Variants in MCF2L2 observed in about 807,000 individuals in gnomAD.
The protein encoded by MCF2L2 is probable guanine nucleotide exchange factor MCF2L2.
Under a neutral mutation model 150.2 loss-of-function variants are expected in MCF2L2, and 102 were observed. The ratio of observed to expected loss-of-function variants is 0.68; its 90% CI spans 0.58 to 0.80. The LOEUF is 0.80. Among genes scored for constraint, MCF2L2 ranks in the 30% least tolerant of loss-of-function variants. MCF2L2 has a pLI of 0.00. For missense variants in MCF2L2, 1,256 were observed against 1,372.8 expected (o/e 0.91, Z 1.34); for synonymous variants, 465 against 491.3 (o/e 0.95, Z 0.71).
chr3:183,261,516 A>T (rs1282037277), intron 15 of MCF2L2, among the ~76,000 whole-genome samples: 1 of 152,174 alleles, frequency 6.6e-6, no homozygotes, highest in Non-Finnish European at 1.5e-5. Flanking sequence ...AAATTTTTTT[A>T]AAAACTGTGA....
chr3:183,179,169 T>C lies in MCF2L2; in HGVS notation c.*211A>G. On this transcript the variant is annotated 3_prime_UTR_variant, in exon 30 of 30. Transcript: ENST00000328913. This position sits in a 1 kb window ranked among gnomAD's most constrained non-coding sequence, Gnocchi z 4.2. Reference sequence around the variant, plus strand: ...GGCTCTGCTCGCCTCTGCAGGCGCCTTAGAGCAGCTCCGAGGTCCCCCGTG... The same window carrying C: ...GGCTCTGCTCGCCTCTGCAGGCGCCCTAGAGCAGCTCCGAGGTCCCCCGTG... 1 of 572,978 alleles carries C rather than the reference T, an allele frequency of 1.7e-6. No individual in the cohort carries two copies. The highest frequency in any genetic ancestry group is 2.7e-6 in the Non-Finnish European group (1 of 370,986). The allele number at this position is 572,978 out of a possible 1,614,324, so 35.5% of individuals were successfully genotyped here.
At chr3:183,398,347 A>T (rs778475154) in intron 1 of MCF2L2, among the ~76,000 whole-genome samples, 4 of 152,152 alleles carry the variant, frequency 2.6e-5, no homozygotes, top group Non-Finnish European at 5.9e-5. Flanking sequence ...CAAGTATTGC[A>T]AATGGCAGAC....
At chr3:183,341,485 T>C (rs1033300748) in intron 4 of MCF2L2, 55 bp downstream of exon 4, 67 of 1,384,144 alleles carry the variant, frequency 4.8e-5, no homozygotes, top group Non-Finnish European at 1.7e-5. Flanking sequence ...TATGAAATAG[T>C]TGAACAGACA....
At chr3:183,343,656 A>G (rs941461312) in intron 3 of MCF2L2, among the ~76,000 whole-genome samples, 1 of 152,190 alleles carries the variant, frequency 6.6e-6, no homozygotes. Context: ...GGCGTGAGCC[A>G]CCATGCCCAG....
At chr3:183,371,464 CCTTTTT>C in intron 3 of MCF2L2, among the ~76,000 whole-genome samples, 1 of 138,032 alleles carries the variant, frequency 7.2e-6, no homozygotes, top group East Asian at 2.2e-4. Flanking sequence ...CTCTGAGAAG[CCTTTTT>C]TTTTTTTTTT....
At chr3:183,318,443 C>T (rs1479140288) in intron 6 of MCF2L2, among the ~76,000 whole-genome samples, 1 of 152,172 alleles carries the variant, frequency 6.6e-6, no homozygotes, top group Non-Finnish European at 1.5e-5. Context: ...CCTCTTTACA[C>T]TGAACGTCAG....
At chr3:183,254,552 C>T (rs1363462674) in intron 15 of MCF2L2, 1 of 152,126 alleles carries the variant, frequency 6.6e-6, no homozygotes, top group Admixed American at 6.5e-5. Flanking sequence ...TTCCCGGGGC[C>T]TGCGGGTCCC....
intron 14 of MCF2L2, among the ~76,000 whole-genome samples, chr3:183,288,532 A>G (rs2108477779): frequency 7.0e-6 from 1 of 143,110 alleles, no homozygotes; most frequent in Admixed American, 7.4e-5. Context: ...CCCAGGCTGG[A>G]GTACAGTGGC....
At chr3:183,195,088 T>C in intron 26 of MCF2L2, 134 bp downstream of exon 26, 1 of 784,792 alleles carries the variant, frequency 1.3e-6, no homozygotes, top group Non-Finnish European at 2.0e-6. Flanking sequence ...CAGCCAATAT[T>C]TTTTAAAAAT....
intron 3 of MCF2L2, among the ~76,000 whole-genome samples, chr3:183,353,949 G>A (rs1045902165): frequency 4.6e-5 from 7 of 152,004 alleles, no homozygotes; most frequent in African/African-American, 1.7e-4. Flanking sequence ...AGGAGTAGGT[G>A]TAAACCAAAA....
intron 10 of MCF2L2, among the ~76,000 whole-genome samples, chr3:183,300,614 G>A (rs1364982421): frequency 3.3e-5 from 5 of 152,180 alleles, no homozygotes; most frequent in Non-Finnish European, 2.9e-5. Context: ...AAAGGAACAA[G>A]AAGAGGGACT....
At chr3:183,330,583 T>C (rs1255447675) in intron 5 of MCF2L2, among the ~76,000 whole-genome samples, 1 of 152,146 alleles carries the variant, frequency 6.6e-6, no homozygotes, top group Non-Finnish European at 1.5e-5. Flanking sequence ...TTGTGGTGAC[T>C]GGATAACACC....
At chr3:183,229,205 G>A (rs1026337226) in intron 17 of MCF2L2, among the ~76,000 whole-genome samples, 1 of 152,168 alleles carries the variant, frequency 6.6e-6, no homozygotes, top group African/African-American at 2.4e-5. Context: ...CAATTCTCTA[G>A]AACTCAATAT....
rs1729037676 is a variant in MCF2L2, at chr3:183,305,101, G to C, written c.1113+4615C>G. Among the ~76,000 whole-genome samples, 1 of 152,136 alleles carries C rather than the reference G, an allele frequency of 6.6e-6. No homozygotes were observed. Among genetic ancestry groups the C allele is most frequent in the Non-Finnish European group, 1.5e-5 (1 of 68,032 alleles). On this transcript the variant is annotated intron_variant, in intron 10 of 29. Coordinates refer to ENST00000328913, the MANE Select transcript of MCF2L2 (RefSeq NM_015078.4). This position sits in a 1 kb window ranked among gnomAD's most constrained non-coding sequence, Gnocchi z 4.1. ...TGATACAGGTACTGTTTTACCAAAGGGAAGTGGAGCACAATGGCCCAAGGT... is the reference window on the plus strand; with the variant it reads ...TGATACAGGTACTGTTTTACCAAAGCGAAGTGGAGCACAATGGCCCAAGGT...
chr3:183,272,022 T>C, intron 15 of MCF2L2: 1 of 452,290 alleles, frequency 2.2e-6, no homozygotes, highest in Non-Finnish European at 3.0e-6. Context: ...AAAGTTATAA[T>C]ATCTAAAACA....
At chr3:183,188,415 T>G (rs1721770108) in intron 27 of MCF2L2, among the ~76,000 whole-genome samples, 1 of 152,178 alleles carries the variant, frequency 6.6e-6, no homozygotes, top group Non-Finnish European at 1.5e-5. Context: ...TCATTTGACT[T>G]CTTGGCTCCC....
At chr3:183,377,895 G>A (rs939635621) in intron 3 of MCF2L2, 4 of 152,146 alleles carry the variant, frequency 2.6e-5, no homozygotes, top group Admixed American at 6.6e-5. Flanking sequence ...GCATTAACGC[G>A]TGGCATATGG....
intron 13 of MCF2L2, among the ~76,000 whole-genome samples, chr3:183,294,301 G>A (rs539563708): frequency 1.0e-3 from 158 of 152,090 alleles, no homozygotes; most frequent in African/African-American, 3.7e-3. Context: ...GTCCTGAATG[G>A]GGTCTATTTT....
chr3:183,309,747 T>G lies in MCF2L2; in HGVS notation c.1082A>C (p.Lys361Thr), dbSNP rs918443619. Residue 361 changes from lysine to threonine, a missense_variant, in exon 10 of 30, where the codon AAG (lysine) becomes ACG (threonine). Lys to Thr is a moderately conservative substitution (Grantham distance 78). Transcript: ENST00000328913. ...DSVMHVEQIL[K>T]EHKKLEEKSQ... is the part of the protein sequence containing the mutation. The stretch of plus-strand genomic sequence containing the variant: ...TTTTTCCTCCAGTTTTTTGTGTTCC[T>G]TAAGAATCTGCTCCACGTGCATCAC... 1.2e-6 allele frequency: 2 copies of G among 1,614,024 alleles called. No homozygotes were observed. Among genetic ancestry groups the G allele is most frequent in the Non-Finnish European group, 1.7e-6 (2 of 1,180,018 alleles).
Sources: gnomAD v4.1 joint callset for allele counts (sites outside exome capture counted in the v4.1 genomes callset) on GRCh38, gnomAD v4.1.1 for gene constraint, Gnocchi (gnomAD v3.1) non-coding constraint, MANE v1.5 for transcripts, NCBI Gene and HGNC (gene_info 2026-07-23, HGNC 2026-07-21) for gene names.